CSMD1: variants seen among roughly 807,000 people sequenced by gnomAD.
The protein encoded by CSMD1 is CUB and sushi domain-containing protein 1.
CSMD1 carries 213 observed loss-of-function variants against 417.5 expected under a neutral mutation model. The ratio of observed to expected loss-of-function variants is 0.51; its 90% CI spans 0.46 to 0.57. The LOEUF is 0.57. CSMD1 is among the 20% of genes least tolerant of loss of function. The pLI is 0.00. For missense variants in CSMD1, 6,923 were observed against 4,529.7 expected (o/e 1.53, Z -15.17); for synonymous variants, 2,862 against 1,736.8 (o/e 1.65, Z -16.11).
chr8:4,584,294 C>G (rs1052752784), intron 2 of CSMD1, among the ~76,000 whole-genome samples: 3 of 151,948 alleles, frequency 2.0e-5, no homozygotes, highest in African/African-American at 7.3e-5. Flanking sequence ...GAGACAATCG[C>G]CGAGTGGTGA....
intron 3 of CSMD1, among the ~76,000 whole-genome samples, chr8:4,209,625 C>G (rs934641106): frequency 3.3e-5 from 5 of 152,248 alleles, no homozygotes; most frequent in East Asian, 1.9e-4. Flanking sequence ...GACAAGCCCC[C>G]GAATTGGGGC....
chr8:4,243,519 T>C (rs28476756), intron 3 of CSMD1, among the ~76,000 whole-genome samples: 3 of 152,158 alleles, frequency 2.0e-5, no homozygotes, highest in South Asian at 2.1e-4. Flanking sequence ...AGCAGGCTTA[T>C]CTTTGTAACC....
intron 3 of CSMD1, among the ~76,000 whole-genome samples, chr8:4,418,766 G>A (rs1797087383): frequency 8.3e-6 from 1 of 120,186 alleles, no homozygotes. Context: ...CAATTAGCCT[G>A]CTGCTTTCCA....
intron 5 of CSMD1, among the ~76,000 whole-genome samples, chr8:3,868,928 C>A (rs1028312781): frequency 6.6e-6 from 1 of 152,148 alleles, no homozygotes; most frequent in Non-Finnish European, 1.5e-5. Flanking sequence ...TGGCTAACAC[C>A]CCAGAGCCAA....
At chr8:3,921,647 A>G (rs1196528892) in intron 5 of CSMD1, among the ~76,000 whole-genome samples, 2 of 151,618 alleles carry the variant, frequency 1.3e-5, no homozygotes, top group Admixed American at 6.6e-5. Flanking sequence ...TCCTTCCCCC[A>G]TTAGTTGTTC....
At chr8:3,574,905 C>T (rs377084270) in intron 10 of CSMD1, 40 bp downstream of exon 10, 479 of 1,605,370 alleles carry the variant, frequency 3.0e-4, no homozygotes, top group Admixed American at 9.8e-4. Flanking sequence ...TATAAGAGTG[C>T]TGTGTGCATT....
chr8:4,962,027 T>G (rs202046451), intron 1 of CSMD1, among the ~76,000 whole-genome samples: 1 of 151,826 alleles, frequency 6.6e-6, no homozygotes, highest in Non-Finnish European at 1.5e-5. Flanking sequence ...AGATTAGTAA[T>G]AACTTTGGGA....
chr8:4,389,935 C>T (rs1355266329), intron 3 of CSMD1, among the ~76,000 whole-genome samples: 1 of 152,142 alleles, frequency 6.6e-6, no homozygotes, highest in East Asian at 1.9e-4. Context: ...ATGAATAGCT[C>T]TGTGTATGTC....
intron 3 of CSMD1, among the ~76,000 whole-genome samples, chr8:4,119,156 T>G (rs1038266067): frequency 6.6e-6 from 1 of 152,062 alleles, no homozygotes; most frequent in Admixed American, 6.5e-5. Context: ...GCTTAAAACC[T>G]AGATGATGGT....
intron 5 of CSMD1, among the ~76,000 whole-genome samples, chr8:3,769,805 A>C (rs1584969590): frequency 1.3e-5 from 2 of 152,192 alleles, no homozygotes; most frequent in East Asian, 3.9e-4. Context: ...ACATCACCTT[A>C]CGATGCATGT....
At chr8:4,032,123 AG>A (rs761834445) in intron 3 of CSMD1, 24 bp from the exon 4 acceptor site, 9 of 1,558,906 alleles carry the variant, frequency 5.8e-6, no homozygotes, top group South Asian at 1.2e-5. Flanking sequence ...AAAAGAAAGG[AG>A]AAAAAACAAG....
intron 5 of CSMD1, among the ~76,000 whole-genome samples, chr8:3,942,439 C>A (rs77920709): frequency 0.065 from 9,831 of 152,102 alleles, 371 homozygotes; most frequent in South Asian, 0.091. Context: ...GGTACCTGAA[C>A]CACACCACAC....
At chr8:3,615,302 T>C (rs987576412) in intron 8 of CSMD1, among the ~76,000 whole-genome samples, 2 of 152,138 alleles carry the variant, frequency 1.3e-5, no homozygotes, top group African/African-American at 4.8e-5. Flanking sequence ...GAACTCGCCA[T>C]GGAAACAGAC....
At chr8:3,399,691 G>T (rs923725353) in intron 15 of CSMD1, among the ~76,000 whole-genome samples, 162 bp from the exon 16 acceptor site, 1 of 152,198 alleles carries the variant, frequency 6.6e-6, no homozygotes, top group Non-Finnish European at 1.5e-5. Context: ...TTTATTGAAA[G>T]CAGGGTCTAT....
At chr8:4,687,416 G>A (rs761486057) in intron 1 of CSMD1, among the ~76,000 whole-genome samples, 9 of 152,106 alleles carry the variant, frequency 5.9e-5, no homozygotes, top group Admixed American at 2.0e-4. Flanking sequence ...AGAGTGGAAA[G>A]AAAATGAAAA....
chr8:4,845,512 C>G (rs1051974834), intron 1 of CSMD1, among the ~76,000 whole-genome samples: 8 of 152,230 alleles, frequency 5.3e-5, no homozygotes, highest in African/African-American at 1.9e-4. Context: ...GTCACGTTCT[C>G]CTCAACTACG....
chr8:3,602,767 G>T (rs975578416), intron 8 of CSMD1, among the ~76,000 whole-genome samples: 1 of 150,976 alleles, frequency 6.6e-6, no homozygotes, highest in South Asian at 2.1e-4. Context: ...TGTTACAGAA[G>T]GTCATTTTGA....
At chr8:3,786,614 C>G (rs1294411704) in intron 5 of CSMD1, among the ~76,000 whole-genome samples, 2 of 152,144 alleles carry the variant, frequency 1.3e-5, no homozygotes, top group East Asian at 3.9e-4. Flanking sequence ...CTCAGCAAAG[C>G]AGTTGCTTAA....
chr8:3,343,754 T>C (rs941641066), intron 22 of CSMD1, among the ~76,000 whole-genome samples: 2 of 152,232 alleles, frequency 1.3e-5, no homozygotes, highest in Admixed American at 1.3e-4. Flanking sequence ...CATTTCCAGG[T>C]TTCATTATCT....
Sources: allele counts gnomAD v4.1 joint callset (sites outside exome capture counted in the v4.1 genomes callset), GRCh38; gene constraint gnomAD v4.1.1; transcripts MANE v1.5; gene names NCBI Gene and HGNC (gene_info 2026-07-23, HGNC 2026-07-21).